The following VAC14 variants were observed in gnomAD, a reference collection of about 807,000 sequenced individuals.
VAC14 encodes the protein VAC14 component of PIKFYVE complex.
Under a neutral mutation model 85.3 loss-of-function variants are expected in VAC14, and 47 were observed. That is an observed-to-expected ratio of 0.55 (90% CI 0.44 to 0.70). The LOEUF (loss-of-function observed/expected upper bound fraction) is 0.70, where lower values mean the gene tolerates loss of function less well. VAC14 is among the 30% of genes least tolerant of loss of function. The probability of loss-of-function intolerance (pLI) is 0.00; values close to 1 mark genes in which losing one functional copy is unlikely to be tolerated. For synonymous variants in VAC14, 447 were observed against 430.5 expected, an observed-to-expected ratio of 1.04 and a Z score of -0.47; for missense variants, 861 against 1,004.3, an observed-to-expected ratio of 0.86 and a Z score of 1.93.
At chr16:70,756,340 C>T (rs771142029) in intron 12 of VAC14, among the ~76,000 whole-genome samples, 4 of 152,188 alleles carry the variant, frequency 2.6e-5, no homozygotes, top group Non-Finnish European at 4.4e-5. Flanking sequence ...TCTGGCAACT[C>T]GGCCTGGCCC....
At chr16:70,782,045 A>G (rs750052537) in intron 7 of VAC14, 42 bp from the exon 8 acceptor site, 14 of 1,601,880 alleles carry the variant, frequency 8.7e-6, no homozygotes, top group Non-Finnish European at 6.8e-6. Context: ...CAGCACACGC[A>G]GCCCGAGTGC....
chr16:70,782,039 A>G (rs763520446), intron 7 of VAC14, 36 bp from the exon 8 acceptor site: 7 of 1,605,860 alleles, frequency 4.4e-6, no homozygotes, highest in African/African-American at 1.3e-5. Flanking sequence ...AGGGGCCAGC[A>G]CACGCAGCCC....
At position 70,783,153 on chromosome 16, in the gene VAC14, C is replaced by T. The variant is rs1318869703; in HGVS notation, c.705-14G>A. ...ACAACCTCACACCTATGAACAAGAA[C>T]AGGAAAGTGGAAACAGCGAGGGTCA... is the stretch of plus-strand genomic sequence containing the variant. On this transcript the variant is annotated splice_polypyrimidine_tract_variant and intron_variant, in intron 6 of 18. Transcript: ENST00000261776. 10 of 1,612,080 alleles carry T rather than the reference C, an allele frequency of 6.2e-6. No individual in the cohort carries two copies. The East Asian group carries it at 6.7e-5, about 11-fold the overall frequency.
chr16:70,705,230 C>T (rs1380628745), intron 14 of VAC14, among the ~76,000 whole-genome samples: 4 of 152,122 alleles, frequency 2.6e-5, no homozygotes, highest in Admixed American at 2.6e-4. Context: ...CCCCTCCTTC[C>T]TTGGGCCTGG....
chr16:70,690,950 AAG>A (rs1011416595), intron 18 of VAC14: 2 of 985,050 alleles, frequency 2.0e-6, no homozygotes, highest in Admixed American at 1.2e-4. Context: ...CCAAGTAACC[AAG>A]AACCCAGAGA....
rs3760119 is a variant in VAC14, at chr16:70,765,492, C to T, written c.1161-2467G>A. ...TTTCCTACACAGCCTCAAGTCACTC[C>T]TTAAAAAGCCCTATGGCCTAAAGCA... On this transcript the variant is annotated intron_variant, in intron 10 of 18. Transcript: ENST00000261776. Among the ~76,000 whole-genome samples, 40 of 152,316 alleles carry T rather than the reference C, an allele frequency of 2.6e-4. No individual in the cohort carries two copies. The East Asian group carries it at 7.5e-3, about 29-fold the overall frequency.
At position 70,758,853 on chromosome 16, in the gene VAC14, T is replaced by C. The variant is rs138167053; in HGVS notation, c.1371+3687A>G. 1.1e-3 allele frequency among the ~76,000 whole-genome samples: 162 copies of C among 152,382 alleles called. 2 individuals carry two copies. In the East Asian group the frequency reaches 0.025, roughly 23 times the overall value. On this transcript the variant is annotated intron_variant, in intron 12 of 18. Transcript: ENST00000261776. ...CTACTCCAGTGCCAGGAATATTAAT[T>C]TGACACCTGCAAATTCTTTTTGACA...
intron 12 of VAC14, among the ~76,000 whole-genome samples, chr16:70,760,475 C>G (rs1376567925): frequency 6.6e-6 from 1 of 152,130 alleles, no homozygotes; most frequent in Non-Finnish European, 1.5e-5. Flanking sequence ...GGACTCATCA[C>G]TAATGATGAA....
At chr16:70,786,084 G>A in intron 2 of VAC14, 131 bp downstream of exon 2, 1 of 1,460,712 alleles carries the variant, frequency 6.8e-7, no homozygotes, top group Non-Finnish European at 9.2e-7. Flanking sequence ...GCTGGTCTCA[G>A]GTGCGGACAG....
At chr16:70,795,494 TAAAAA>T (rs71153603) in intron 1 of VAC14, among the ~76,000 whole-genome samples, 4 of 91,928 alleles carry the variant, frequency 4.4e-5, no homozygotes, top group Non-Finnish European at 4.3e-5. Flanking sequence ...AGACTCTGTC[TAAAAA>T]AAAAAAAAAA....
chr16:70,772,526 A>G (rs1296134558), intron 9 of VAC14: 2 of 231,718 alleles, frequency 8.6e-6, no homozygotes, highest in Non-Finnish European at 1.7e-5. Context: ...AAACCACAAG[A>G]TACTACTGTA....
chr16:70,694,093 C>G (rs1404051083), intron 17 of VAC14, among the ~76,000 whole-genome samples: 2 of 152,232 alleles, frequency 1.3e-5, no homozygotes, highest in African/African-American at 2.4e-5. Context: ...CCTCTAGGAT[C>G]CAGGCGACTC....
At chr16:70,691,933 C>A in intron 18 of VAC14, 1 of 985,348 alleles carries the variant, frequency 1.0e-6, no homozygotes, top group Non-Finnish European at 1.2e-6. Flanking sequence ...GCCAGGCCTG[C>A]TGAGTGGCTC....
chr16:70,762,562 G>A lies in VAC14; in HGVS notation c.1349C>T (p.Thr450Met), dbSNP rs1310179069. The change falls in exon 12 of 19, where the codon ACG (threonine) becomes ATG (methionine). Residue 450 changes from threonine (T) to methionine (M), a missense_variant. By Grantham distance (81) the Thr-to-Met change is moderately conservative. Transcript: ENST00000261776. The surrounding 1 kb of genome is among the most constrained non-coding windows in gnomAD (Gnocchi z 4.1). ...TDSLFPILLQ[T>M]LSDESDEVIL... Reference sequence around the variant, plus strand: ...TACCTCATCCGATTCATCCGATAACGTCTGCAGTAGGATGGGAAAGAGGCT... The same window carrying A: ...TACCTCATCCGATTCATCCGATAACATCTGCAGTAGGATGGGAAAGAGGCT... 6.2e-7 allele frequency: 1 copy of A among 1,614,130 alleles called. No homozygotes were observed. The highest frequency in any genetic ancestry group is 8.5e-7 in the Non-Finnish European group (1 of 1,180,000).
chr16:70,691,650 G>C, intron 18 of VAC14: 2 of 985,492 alleles, frequency 2.0e-6, no homozygotes, highest in Non-Finnish European at 1.2e-6. Flanking sequence ...GCCACTGCAG[G>C]GCACTGCCTT....
chr16:70,697,330 A>T, intron 15 of VAC14, 73 bp from the exon 16 acceptor site: 1 of 1,283,098 alleles, frequency 7.8e-7, no homozygotes, highest in Non-Finnish European at 1.1e-6. Flanking sequence ...TGGGGACCTG[A>T]GGGAAGGGCC....
intron 18 of VAC14, chr16:70,689,015 G>C (rs2053549742): frequency 1.0e-6 from 1 of 985,138 alleles, no homozygotes. Flanking sequence ...GCTCAGCTAA[G>C]CAGAGAGTCT....
chr16:70,756,242 C>T (rs946044390), intron 12 of VAC14, among the ~76,000 whole-genome samples: 2 of 152,190 alleles, frequency 1.3e-5, no homozygotes, highest in African/African-American at 4.8e-5. Context: ...GCTGAGGCTC[C>T]AGGCAGGCGT....
intron 17 of VAC14, 31 bp from the exon 18 acceptor site, chr16:70,693,002 C>T (rs748226481): frequency 2.5e-6 from 4 of 1,597,922 alleles, no homozygotes; most frequent in South Asian, 1.1e-5. Context: ...GGGTCAGGGA[C>T]CTGGCACTGC....
Sources: gnomAD v4.1 joint callset for allele counts (sites outside exome capture counted in the v4.1 genomes callset) on GRCh38, gnomAD v4.1.1 for gene constraint, Gnocchi (gnomAD v3.1) non-coding constraint, MANE v1.5 for transcripts, NCBI Gene and HGNC (gene_info 2026-07-23, HGNC 2026-07-21) for gene names.